Variants in TRAPPC2L observed in about 807,000 individuals in gnomAD.
The protein encoded by TRAPPC2L is trafficking protein particle complex subunit 2L.
In TRAPPC2L, 17 loss-of-function variants were observed where a neutral mutation model predicts 13.2. That is an observed-to-expected ratio of 1.29 (90% CI 0.88 to 1.93). TRAPPC2L has a LOEUF of 1.93. TRAPPC2L is among the 30% of genes most tolerant of loss of function. The pLI, the probability that TRAPPC2L is intolerant of heterozygous loss-of-function variation, is 0.00. For synonymous variants in TRAPPC2L, 150 were observed against 98.1 expected (o/e 1.53, Z -3.12); for missense variants, 359 against 252.1 (o/e 1.42, Z -2.87).
exon 2 of TRAPPC2L, chr16:88,858,726 G>A (rs1344186195): frequency 1.2e-6 from 2 of 1,613,442 alleles, no homozygotes; most frequent in African/African-American, 2.7e-5. Context: ...CCGCAATGGG[G>A]AAGGCCCTGG....
At chr16:88,859,845 G>C in intron 3 of TRAPPC2L, 48 bp from the exon 4 acceptor site, 1 of 1,581,528 alleles carries the variant, frequency 6.3e-7, no homozygotes. Flanking sequence ...AAATCTGGCA[G>C]TGGCTGTGTG....
Position 88,858,618 on chromosome 16 carries a change from G to T in TRAPPC2L, c.34-1G>T. On this transcript the variant is annotated splice_acceptor_variant, in intron 1 of 3. Transcript: ENST00000565504. LOFTEE classifies it high-confidence loss of function. ...TCAGTCGCCGTCATCCTTTCTTGCAGAATTACCCCCTCTACATTCGCAGCA... is the reference window on the plus strand; with the variant it reads ...TCAGTCGCCGTCATCCTTTCTTGCATAATTACCCCCTCTACATTCGCAGCA... The T allele has an allele frequency of 6.2e-7, 1 of 1,612,394 alleles. No individual in the cohort carries two copies. The highest frequency in any genetic ancestry group is 2.2e-5 in the East Asian group (1 of 44,878).
intron 1 of TRAPPC2L, 144 bp downstream of exon 1, chr16:88,857,327 C>G: frequency 1.3e-6 from 1 of 743,058 alleles, no homozygotes; most frequent in Non-Finnish European, 2.0e-6. Flanking sequence ...TCAGGGGCTT[C>G]GCGGTGGACG....
chr16:88,857,180 G>A (rs775304599), exon 1 of TRAPPC2L: 3 of 1,577,956 alleles, frequency 1.9e-6, no homozygotes, highest in Admixed American at 3.5e-5. Flanking sequence ...TGATTGCCAA[G>A]GAGGTGCGTA....
At chr16:88,861,470 T>G (rs1443819045) in exon 4 of TRAPPC2L, 1 of 351,756 alleles carries the variant, frequency 2.8e-6, no homozygotes, top group African/African-American at 2.2e-5. Flanking sequence ...GCTCAATGTC[T>G]GGATTCCGCC....
intron 2 of TRAPPC2L, chr16:88,859,365 T>G: frequency 2.9e-6 from 2 of 684,250 alleles, no homozygotes; most frequent in Non-Finnish European, 5.4e-6. Context: ...GGGCCAGGCA[T>G]TGATTCATGA....
At chr16:88,856,612 CGCGGGGCCTCCCCCCTTCCCCAAGGG>C, upstream of TRAPPC2L, 1 of 568,114 alleles carries the variant, frequency 1.8e-6, no homozygotes, top group Non-Finnish European at 3.3e-6. Flanking sequence ...CTCCTCCCCG[CGCGGGGCCTCCCCCCTTCCCCAAGGG>C]GCCTCCCCTC....
exon 4 of TRAPPC2L, chr16:88,860,547 A>G: frequency 1.7e-6 from 1 of 591,964 alleles, no homozygotes; most frequent in Non-Finnish European, 3.0e-6. Context: ...CCCTCCCTCC[A>G]CCAGGACACT....
At chr16:88,859,598 G>T in intron 2 of TRAPPC2L, 65 bp from the exon 3 acceptor site, 1 of 1,459,206 alleles carries the variant, frequency 6.9e-7, no homozygotes. Flanking sequence ...CAAAGTGAGG[G>T]CCCACAGAGG....
upstream of TRAPPC2L, chr16:88,856,320 C>G: frequency 1.4e-6 from 1 of 702,742 alleles, no homozygotes; most frequent in South Asian, 1.5e-5. Context: ...ACGCAGCTCT[C>G]AGGCAGGGCG....
intron 2 of TRAPPC2L, chr16:88,858,998 C>T (rs752729599): frequency 3.0e-5 from 18 of 592,674 alleles, no homozygotes; most frequent in Non-Finnish European, 4.1e-5. Context: ...TAGAATTCCC[C>T]GTAGAATGTT....
At chr16:88,858,398 C>G (rs1273350934) in intron 1 of TRAPPC2L, among the ~76,000 whole-genome samples, 2 of 152,132 alleles carry the variant, frequency 1.3e-5, no homozygotes, top group Non-Finnish European at 2.9e-5. Flanking sequence ...TTCCGCCCAC[C>G]CTACTGCTGC....
exon 4 of TRAPPC2L, chr16:88,861,527 C>A: frequency 7.5e-6 from 3 of 400,126 alleles, no homozygotes; most frequent in Admixed American, 2.9e-5. Flanking sequence ...CTCGTGGCCC[C>A]GCGGCGTTGG....
exon 4 of TRAPPC2L, chr16:88,862,090 A>G (rs1181151976): frequency 6.4e-6 from 1 of 156,040 alleles, no homozygotes; most frequent in Non-Finnish European, 1.4e-5. Flanking sequence ...TTAAATCTTT[A>G]ACAAGAGCCT....
chr16:88,856,499 G>T (rs1489741979), upstream of TRAPPC2L: 3 of 698,700 alleles, frequency 4.3e-6, no homozygotes, highest in East Asian at 8.1e-5. Context: ...GGCAGCGCGT[G>T]TGGTGATCGG....
exon 4 of TRAPPC2L, chr16:88,861,545 G>A (rs938745090): frequency 4.6e-6 from 2 of 435,246 alleles, no homozygotes; most frequent in Non-Finnish European, 9.7e-6. Context: ...TGGCTCAGCT[G>A]CAGCCCTGGT....
chr16:88,856,833 C>G (rs761858336), upstream of TRAPPC2L: 4 of 1,523,350 alleles, frequency 2.6e-6, no homozygotes, highest in Non-Finnish European at 3.5e-6. Context: ...CGCTGAGCAC[C>G]AGCAACAGCT....
upstream of TRAPPC2L, chr16:88,856,382 T>C (rs1438396149): frequency 2.9e-6 from 2 of 701,296 alleles, no homozygotes; most frequent in Non-Finnish European, 5.2e-6. Context: ...GCGCCCACCT[T>C]TCCCAAGAGT....
exon 4 of TRAPPC2L, chr16:88,861,784 T>C: frequency 2.4e-6 from 1 of 416,474 alleles, no homozygotes; most frequent in Non-Finnish European, 4.9e-6. Flanking sequence ...GGAGAGTTTC[T>C]CAAGGACCTT....
Sources: gnomAD v4.1 joint callset for allele counts (sites outside exome capture counted in the v4.1 genomes callset) on GRCh38, gnomAD v4.1.1 for gene constraint, MANE v1.5 for transcripts, NCBI Gene and HGNC (gene_info 2026-07-23, HGNC 2026-07-21) for gene names.